The following CD72 variants were observed in gnomAD, a reference collection of about 807,000 sequenced individuals.
The protein encoded by CD72 is CD72 molecule.
CD72 carries 28 observed loss-of-function variants against 50.7 expected under a neutral mutation model. That is an observed-to-expected ratio of 0.55 (90% confidence interval 0.41 to 0.76). The LOEUF (loss-of-function observed/expected upper bound fraction) is 0.76, where lower values mean the gene tolerates loss of function less well. CD72 is among the 30% of genes least tolerant of loss of function. The pLI is 0.00. For synonymous variants in CD72, 176 were observed against 171.2 expected, an observed-to-expected ratio of 1.03 and a Z score of -0.22; for missense variants, 403 against 420.6, an observed-to-expected ratio of 0.96 and a Z score of 0.37.
intron 1 of CD72, among the ~76,000 whole-genome samples, chr9:35,627,580 A>T (rs1823207740): frequency 6.6e-6 from 1 of 152,062 alleles, no homozygotes; most frequent in African/African-American, 2.4e-5. Context: ...ATGCTCAGTG[A>T]TATATTGGGC....
intron 1 of CD72, among the ~76,000 whole-genome samples, chr9:35,627,660 C>T (rs1337065243): frequency 2.0e-5 from 3 of 152,108 alleles, no homozygotes; most frequent in Non-Finnish European, 4.4e-5. Flanking sequence ...CTGGCTCACC[C>T]ACTGGGCAAG....
intron 1 of CD72, among the ~76,000 whole-genome samples, chr9:35,634,406 A>G (rs546574746): frequency 2.0e-5 from 3 of 152,262 alleles, no homozygotes; most frequent in Non-Finnish European, 4.4e-5. Flanking sequence ...AGGCTGGAGT[A>G]CAGTGGCACG....
chr9:35,633,227 C>A (rs1425833165), intron 1 of CD72, among the ~76,000 whole-genome samples: 1 of 151,700 alleles, frequency 6.6e-6, no homozygotes, highest in African/African-American at 2.4e-5. Context: ...CAGGCATGAG[C>A]CACTGTGCCT....
chr9:35,611,076 C>T (rs1822974999), intron 7 of CD72, among the ~76,000 whole-genome samples: 1 of 152,144 alleles, frequency 6.6e-6, no homozygotes, highest in Non-Finnish European at 1.5e-5. Context: ...ACGGTGAAAC[C>T]CCGTCTCTAC....
intron 1 of CD72, among the ~76,000 whole-genome samples, chr9:35,635,605 C>T (rs1173881418): frequency 6.6e-6 from 1 of 152,192 alleles, no homozygotes; most frequent in African/African-American, 2.4e-5. Context: ...TCTCTGCCAG[C>T]AGGTTCCTCT....
intron 1 of CD72, among the ~76,000 whole-genome samples, chr9:35,631,047 C>A (rs1161183842): frequency 6.6e-6 from 1 of 152,056 alleles, no homozygotes; most frequent in Non-Finnish European, 1.5e-5. Flanking sequence ...TGAGTAGCTT[C>A]ATTATCTATA....
chr9:35,612,252 C>A (rs117386060), intron 6 of CD72, among the ~76,000 whole-genome samples: 113 of 152,290 alleles, frequency 7.4e-4, no homozygotes, highest in Non-Finnish European at 1.2e-3. Context: ...ACCTGTCAAG[C>A]AGCCCAGGGA....
At chr9:35,616,561 C>G in intron 4 of CD72, 39 bp downstream of exon 4, 1 of 1,495,168 alleles carries the variant, frequency 6.7e-7, no homozygotes, top group Non-Finnish European at 9.3e-7. Context: ...GGACGAAAGT[C>G]GTTCGGTGTA....
intron 6 of CD72, 111 bp downstream of exon 6, chr9:35,612,737 G>A: frequency 1.0e-6 from 1 of 964,384 alleles, no homozygotes; most frequent in Non-Finnish European, 1.6e-6. Context: ...TTTCTTCCAT[G>A]GAAAAGGAAT....
chr9:35,613,363 C>G lies in CD72; in HGVS notation c.689-370G>C, dbSNP rs1025710390. Among the ~76,000 whole-genome samples the G allele has an allele frequency of 1.3e-5, 2 of 152,068 alleles. 1 individual carries two copies. The highest frequency in any genetic ancestry group is 1.3e-4 in the Admixed American group (2 of 15,262). ...TCCTCCACTCCTCCAGCACTGGCCCCCTCCGTCCCTCTCCAATTTCCTACA... is the reference window on the plus strand; with the variant it reads ...TCCTCCACTCCTCCAGCACTGGCCCGCTCCGTCCCTCTCCAATTTCCTACA... On this transcript the variant is annotated intron_variant, in intron 5 of 8. Coordinates refer to ENST00000259633, the MANE Select transcript of CD72 (RefSeq NM_001782.3).
In CD72 at chr9:35,618,147, G is replaced by A. The variant is rs111915252; in HGVS notation, c.83-26C>T. ...CTAGAGAGAAGAGAAAAGGGACCAA[G>A]GTGGGATTTGGGAATGGGATCTGTG... is the stretch of plus-strand genomic sequence containing the variant. On this transcript the variant is annotated intron_variant, in intron 1 of 8. Transcript: ENST00000259633. 3.7e-6 allele frequency: 6 copies of A among 1,607,922 alleles called. No homozygotes were observed. In the South Asian group the frequency reaches 6.6e-5, roughly 18 times the overall value.
chr9:35,626,506 C>T (rs867295549), intron 1 of CD72, among the ~76,000 whole-genome samples: 3 of 152,164 alleles, frequency 2.0e-5, no homozygotes, highest in African/African-American at 7.2e-5. Context: ...TCAGGGTTTG[C>T]GAGGATTGAC....
intron 1 of CD72, among the ~76,000 whole-genome samples, chr9:35,627,211 A>C (rs1587906507): frequency 6.9e-6 from 1 of 144,462 alleles, no homozygotes; most frequent in East Asian, 2.0e-4. Flanking sequence ...TGCAACCTCC[A>C]CCTCCCGGGT....
chr9:35,613,010 G>A lies in CD72; in HGVS notation c.689-17C>T. ...AGCAGGTGTCTAAAAAGCAGAAAGA[G>A]TGTGATAGCAGCAACAGTTGGGATG... On this transcript the variant is annotated splice_polypyrimidine_tract_variant and intron_variant, in intron 5 of 8. Transcript: ENST00000259633. 1 of 1,598,254 alleles carries A rather than the reference G, an allele frequency of 6.3e-7. No homozygotes were observed. The highest frequency in any genetic ancestry group is 8.6e-7 in the Non-Finnish European group (1 of 1,169,526).
chr9:35,620,763 C>T (rs1823140584), upstream of CD72, among the ~76,000 whole-genome samples: 1 of 152,082 alleles, frequency 6.6e-6, no homozygotes, highest in East Asian at 1.9e-4. Context: ...GCAGAGGTTG[C>T]AGTGAGCCGA....
At chr9:35,636,737 T>A (rs769459327) in intron 1 of CD72, among the ~76,000 whole-genome samples, 9 of 152,092 alleles carry the variant, frequency 5.9e-5, no homozygotes, top group Non-Finnish European at 1.3e-4. Flanking sequence ...GATCACGAGG[T>A]CAGAAATGAA....
At position 35,616,672 on chromosome 9, in the gene CD72, G is replaced by A. The variant is rs752431253; in HGVS notation, c.280C>T (p.Arg94Ter). The A allele has an allele frequency of 4.3e-6, 7 of 1,613,644 alleles. No individual in the cohort carries two copies. Among genetic ancestry groups the A allele is most frequent in the East Asian group, 2.2e-5 (1 of 44,872 alleles). The part of the protein sequence containing the change: ...RILPCRTTCL[R>*]YLLLGLLLTC... ...AGGAGCAGGCCGAGCAGGAGGTATC[G>A]CAGGCAGGTTGTGCGGCCTTAGGGG... The change falls in exon 4 of 9, where the codon CGA (arginine) becomes TGA (stop). Residue 94 changes from arginine to a stop codon, truncating the protein, a stop_gained. Transcript: ENST00000259633. LOFTEE classifies it high-confidence loss of function.
At chr9:35,637,148 A>C (rs1823298113) in intron 1 of CD72, among the ~76,000 whole-genome samples, 2 of 152,212 alleles carry the variant, frequency 1.3e-5, no homozygotes, top group African/African-American at 2.4e-5. Context: ...CTTTGTAAGA[A>C]GATCTACCCC....
upstream of CD72, among the ~76,000 whole-genome samples, chr9:35,623,642 C>T (rs559309189): frequency 2.0e-5 from 3 of 152,312 alleles, no homozygotes; most frequent in East Asian, 5.8e-4. Context: ...CGAGGCCTGG[C>T]GCAGTGGCTC....
Sources: allele counts gnomAD v4.1 joint callset (sites outside exome capture counted in the v4.1 genomes callset), GRCh38; gene constraint gnomAD v4.1.1; transcripts MANE v1.5; gene names NCBI Gene and HGNC (gene_info 2026-07-23, HGNC 2026-07-21).